The following PPM1H variants were observed in gnomAD, a reference collection of about 807,000 sequenced individuals.
PPM1H encodes the protein protein phosphatase, Mg2+/Mn2+ dependent 1H.
Under a neutral mutation model 54.9 loss-of-function variants are expected in PPM1H, and 27 were observed. The ratio of observed to expected loss-of-function variants is 0.49; its 90% CI spans 0.36 to 0.68. The LOEUF (loss-of-function observed/expected upper bound fraction) is 0.68, where lower values mean the gene tolerates loss of function less well. Among genes scored for constraint, PPM1H ranks in the 30% least tolerant of loss-of-function variants. The pLI is 0.00. For missense variants in PPM1H, 596 were observed against 667.8 expected, an observed-to-expected ratio of 0.89 and a Z score of 1.19; for synonymous variants, 305 against 270.8, an observed-to-expected ratio of 1.13 and a Z score of -1.24.
intron 4 of PPM1H, among the ~76,000 whole-genome samples, chr12:62,761,534 T>TAA (rs1340216303): frequency 6.6e-6 from 1 of 152,184 alleles, no homozygotes; most frequent in Non-Finnish European, 1.5e-5. Flanking sequence ...ATTTTCCTGC[T>TAA]AAAATTGGTC....
At chr12:62,845,748 A>C (rs1179691516) in intron 1 of PPM1H, among the ~76,000 whole-genome samples, 2 of 152,074 alleles carry the variant, frequency 1.3e-5, no homozygotes, top group African/African-American at 4.8e-5. Flanking sequence ...TACAGTACAG[A>C]TCTCTGGGGG....
At chr12:62,777,684 T>C (rs1472175994) in intron 4 of PPM1H, among the ~76,000 whole-genome samples, 3 of 152,154 alleles carry the variant, frequency 2.0e-5, no homozygotes, top group Non-Finnish European at 4.4e-5. Context: ...AACTGCAGTT[T>C]GAGAGCAGAT....
At chr12:62,688,235 T>C (rs2076064645) in intron 8 of PPM1H, among the ~76,000 whole-genome samples, 1 of 152,134 alleles carries the variant, frequency 6.6e-6, no homozygotes, top group Non-Finnish European at 1.5e-5. Flanking sequence ...CTTTCCATCT[T>C]TGCATAGAAA....
At chr12:62,677,331 C>T (rs528611731) in intron 8 of PPM1H, among the ~76,000 whole-genome samples, 123 of 152,330 alleles carry the variant, frequency 8.1e-4, no homozygotes, top group Admixed American at 1.3e-3. Context: ...AGTGCTGAAA[C>T]ACGCCTCCCT....
chr12:62,868,780 G>A (rs1165734577), intron 1 of PPM1H, among the ~76,000 whole-genome samples: 1 of 152,200 alleles, frequency 6.6e-6, no homozygotes, highest in Non-Finnish European at 1.5e-5. Flanking sequence ...GGGTGCGCAC[G>A]ATGGTGCAAA....
chr12:62,827,918 G>A (rs543931111), intron 2 of PPM1H, among the ~76,000 whole-genome samples: 2 of 152,236 alleles, frequency 1.3e-5, no homozygotes, highest in South Asian at 4.2e-4. Flanking sequence ...ACCACTGCCA[G>A]TGATCTCCCC....
chr12:62,652,373 A>G (rs952469900), intron 9 of PPM1H, among the ~76,000 whole-genome samples: 8 of 150,764 alleles, frequency 5.3e-5, no homozygotes, highest in African/African-American at 1.7e-4. Context: ...CACCATGCCC[A>G]GCTAATAAAC....
Position 62,647,797 on chromosome 12 carries a change from C to A in PPM1H, c.*692G>T, listed in dbSNP as rs559926157. 6.6e-6 allele frequency: 1 copy of A among 152,424 alleles called. No individual in the cohort carries two copies. The highest frequency in any genetic ancestry group is 2.4e-5 in the African/African-American group (1 of 41,496). The allele number at this position is 152,424 out of a possible 1,614,324, so 9.4% of individuals were successfully genotyped here. On this transcript the variant is annotated 3_prime_UTR_variant, in exon 10 of 10. Coordinates refer to ENST00000228705, the MANE Select transcript of PPM1H (RefSeq NM_020700.2). Reference sequence around the variant, plus strand: ...GTGGGCTGGAGGAGGTGGGGACAACCCAGCCTGGGTGGGACTTGGACACAG... The same window carrying A: ...GTGGGCTGGAGGAGGTGGGGACAACACAGCCTGGGTGGGACTTGGACACAG...
intron 5 of PPM1H, 122 bp downstream of exon 5, chr12:62,737,374 GAGTTAA>G: frequency 1.8e-6 from 1 of 546,464 alleles, no homozygotes; most frequent in Admixed American, 3.7e-5. Context: ...GTGTGTGGGG[GAGTTAA>G]TACCATATGT....
rs1454398215 is a variant in PPM1H, at chr12:62,648,251, TACA to T, written c.*235_*237del. 2.7e-5 allele frequency: 13 copies of T among 478,478 alleles called. No individual in the cohort carries two copies. The highest frequency in any genetic ancestry group is 7.7e-5 in the African/African-American group (4 of 52,000). 29.6% of individuals were successfully genotyped at this position (478,478 alleles called of 1,614,324 possible). ...CGGAGGCCTATGAAAGGAACTGAAA[TACA>T]ACAACACTTGGTAGCAGCCTTTGTG... On this transcript the variant is annotated 3_prime_UTR_variant, in exon 10 of 10. Coordinates refer to ENST00000228705, the MANE Select transcript of PPM1H (RefSeq NM_020700.2).
At chr12:62,703,918 C>A (rs777890049) in intron 6 of PPM1H, among the ~76,000 whole-genome samples, 5 of 151,812 alleles carry the variant, frequency 3.3e-5, no homozygotes, top group Non-Finnish European at 4.4e-5. Context: ...AACCTTCAAG[C>A]GGCCTTACAG....
chr12:62,756,262 G>C, intron 4 of PPM1H: 1 of 695,992 alleles, frequency 1.4e-6, no homozygotes, highest in Non-Finnish European at 2.6e-6. Flanking sequence ...CCCAGCGAGA[G>C]CGAGAGAGGA....
chr12:62,807,421 A>G (rs139362244), intron 2 of PPM1H, among the ~76,000 whole-genome samples: 1 of 152,344 alleles, frequency 6.6e-6, no homozygotes, highest in East Asian at 1.9e-4. Flanking sequence ...AAACAATGAA[A>G]AGTGTCATAA....
At chr12:62,882,706 C>A (rs1435848720) in intron 1 of PPM1H, among the ~76,000 whole-genome samples, 1 of 152,206 alleles carries the variant, frequency 6.6e-6, no homozygotes, top group Non-Finnish European at 1.5e-5. Context: ...AGTATTTCTT[C>A]TTTGTTGTTT....
intron 4 of PPM1H, among the ~76,000 whole-genome samples, chr12:62,781,270 C>T (rs561713144): frequency 6.6e-6 from 1 of 152,304 alleles, no homozygotes; most frequent in Admixed American, 6.5e-5. Flanking sequence ...GGCCTAAGTT[C>T]TAGGATGTCA....
chr12:62,932,627 G>GTTTTTT (rs1229452777), intron 1 of PPM1H, among the ~76,000 whole-genome samples: 4 of 22,540 alleles, frequency 1.8e-4, no homozygotes, highest in African/African-American at 2.5e-4. Flanking sequence ...GTCCAAATGG[G>GTTTTTT]CTTTTTTTTT....
In PPM1H at chr12:62,815,857, C is replaced by A. The variant is rs1002622007; in HGVS notation, c.412-13697G>T. On this transcript the variant is annotated intron_variant, in intron 2 of 9. Coordinates refer to ENST00000228705, the MANE Select transcript of PPM1H (RefSeq NM_020700.2). ...TTATCCAATCAGAGGGCTTTTTTTT[C>A]TTCCCATGGTTTATGCAAATGATGG... Among the ~76,000 whole-genome samples the A allele has an allele frequency of 3.2e-4, 49 of 151,994 alleles. 1 individual carries two copies. Among genetic ancestry groups the A allele is most frequent in the African/African-American group, 1.2e-3 (48 of 41,414 alleles).
intron 4 of PPM1H, among the ~76,000 whole-genome samples, chr12:62,756,849 C>T (rs1289259033): frequency 6.6e-6 from 1 of 151,982 alleles, no homozygotes; most frequent in Non-Finnish European, 1.5e-5. Flanking sequence ...GATATCTAAC[C>T]AGGAACCAGT....
Position 62,792,829 on chromosome 12 carries a change from G to A in PPM1H, c.757-4491C>T, listed in dbSNP as rs147588530. Among the ~76,000 whole-genome samples the A allele has an allele frequency of 1.5e-4, 23 of 152,200 alleles. 1 individual carries two copies. The highest frequency in any genetic ancestry group is 5.5e-4 in the African/African-American group (23 of 41,524). ...TCTTAGTACTGAAAGGAACATTAAA[G>A]GACCATCTGGGTGGTTCTTTTACTA... On this transcript the variant is annotated intron_variant, in intron 3 of 9. Transcript: ENST00000228705.
Sources: allele counts gnomAD v4.1 joint callset (sites outside exome capture counted in the v4.1 genomes callset), GRCh38; gene constraint gnomAD v4.1.1; transcripts MANE v1.5; gene names NCBI Gene and HGNC (gene_info 2026-07-23, HGNC 2026-07-21).